Variants in RBM26 observed in about 807,000 individuals in gnomAD.
The protein encoded by RBM26 is RNA binding motif protein 26.
Under a neutral mutation model 123.6 loss-of-function variants are expected in RBM26, and 30 were observed. The ratio of observed to expected loss-of-function variants is 0.24; its 90% CI spans 0.18 to 0.33. RBM26 has a LOEUF of 0.33. RBM26 is among the 10% of genes least tolerant of loss of function. The pLI is 1.00. For synonymous variants in RBM26, 400 were observed against 404.4 expected (o/e 0.99, Z 0.13); for missense variants, 947 against 1,203.6 (o/e 0.79, Z 3.15).
At chr13:79,312,762 CTCTA>C (rs10602955) in exon 5 of RBM26, 76,078 of 151,088 alleles carry the variant, frequency 0.5, 19,480 homozygotes, top group Middle Eastern at 0.59. Flanking sequence ...GGGCTGGGCT[CTCTA>C]TCTGACTCAG....
chr13:79,329,626 T>C (rs1226013696), intron 20 of RBM26, among the ~76,000 whole-genome samples: 2 of 152,104 alleles, frequency 1.3e-5, no homozygotes, highest in Non-Finnish European at 2.9e-5. Flanking sequence ...TGGCCAAAGA[T>C]GGAATAACTT....
In RBM26 at chr13:79,405,743, T is replaced by G. The variant is rs1460330786; in HGVS notation, c.32A>C (p.Glu11Ala). MVSKMIIENF[E>A]ALKSWLSKTL... ...CTTGCTGAGCCAGGACTTGAGTGCC[T>G]CGAAGTTTTCAATGATCATTTTAGA... Residue 11 changes from glutamate to alanine, a missense_variant, in exon 1 of 22, where the codon GAG becomes GCG. By Grantham distance (107) the Glu-to-Ala change is moderately radical. Around this residue, in one of 5 missense-constraint regions of RBM26, gnomAD observed 275 missense variants for 361.0 expected, o/e 0.76. Transcript: ENST00000438737. 6.3e-7 allele frequency: 1 copy of G among 1,598,838 alleles called. No homozygotes were observed. Among genetic ancestry groups the G allele is most frequent in the African/African-American group, 1.4e-5 (1 of 73,866 alleles).
At chr13:79,390,591 A>G (rs948009897) in intron 1 of RBM26, among the ~76,000 whole-genome samples, 2 of 152,168 alleles carry the variant, frequency 1.3e-5, no homozygotes, top group African/African-American at 4.8e-5. Context: ...TCTGTATTCT[A>G]AAATTAAAAT....
chr13:79,400,624 C>G (rs894163554), intron 1 of RBM26, among the ~76,000 whole-genome samples: 1 of 151,904 alleles, frequency 6.6e-6, no homozygotes, highest in African/African-American at 2.4e-5. Context: ...GTCAATGTAA[C>G]AACACTGAAA....
At chr13:79,394,261 T>C (rs1305456726) in intron 1 of RBM26, among the ~76,000 whole-genome samples, 1 of 152,200 alleles carries the variant, frequency 6.6e-6, no homozygotes, top group African/African-American at 2.4e-5. Context: ...CTGGTGGCTT[T>C]TGAAGCAGTT....
At chr13:79,324,064 C>CTG (rs1438049405) in intron 20 of RBM26, among the ~76,000 whole-genome samples, 1 of 151,746 alleles carries the variant, frequency 6.6e-6, no homozygotes, top group South Asian at 2.1e-4. Flanking sequence ...GTAACCCACC[C>CTG]ATTTCACTTT....
chr13:79,386,581 ACTCT>A (rs1319013071), intron 1 of RBM26, among the ~76,000 whole-genome samples: 1 of 92,494 alleles, frequency 1.1e-5, no homozygotes, highest in African/African-American at 3.5e-5. Context: ...AAGCCACAGA[ACTCT>A]CTCTTTAAAA....
intron 20 of RBM26, among the ~76,000 whole-genome samples, chr13:79,331,415 T>C (rs1193017454): frequency 1.4e-5 from 2 of 147,914 alleles, no homozygotes; most frequent in African/African-American, 5.0e-5. Context: ...GGTCAGGAGA[T>C]CGAGACCATC....
At chr13:79,356,862 A>G (rs1418597656) in intron 11 of RBM26, among the ~76,000 whole-genome samples, 2 of 152,216 alleles carry the variant, frequency 1.3e-5, no homozygotes, top group African/African-American at 4.8e-5. Flanking sequence ...TTTGCCCCTC[A>G]GCTTTAAAAA....
chr13:79,375,095 T>TTTATATGATATATAAATATCATATAAA lies in RBM26; in HGVS notation c.327+2283_327+2284insTTTATATGATATTTATATATCATATAA, dbSNP rs1491343929. On this transcript the variant is annotated intron_variant, in intron 3 of 21. Coordinates refer to ENST00000438737, the MANE Select transcript of RBM26 (RefSeq NM_001366735.2). The stretch of plus-strand genomic sequence containing the variant: ...TTTATATGATATATATAAATATATA[T>TTTATATGATATATAAATATCATATAAA]TTATATATATCATATAAATATATAT... Among the ~76,000 whole-genome samples the TTTATATGATATATAAATATCATATAAA allele has an allele frequency of 1.6e-4, 16 of 98,250 alleles. No homozygotes were observed. In the East Asian group the frequency reaches 3.6e-3, roughly 22 times the overall value. 64.5% of individuals were successfully genotyped at this position (98,250 alleles called of 152,430 possible). A position where few individuals can be genotyped will look rare whatever the true frequency, so the allele number is the denominator to read the frequency against.
chr13:79,357,735 TGTGA>T (rs1455394995), intron 11 of RBM26, among the ~76,000 whole-genome samples: 1 of 152,170 alleles, frequency 6.6e-6, no homozygotes, highest in Non-Finnish European at 1.5e-5. Context: ...ATTTTACCAG[TGTGA>T]TTAACTTTGC....
At chr13:79,387,963 T>C (rs2077628475) in intron 1 of RBM26, among the ~76,000 whole-genome samples, 1 of 152,256 alleles carries the variant, frequency 6.6e-6, no homozygotes, top group Non-Finnish European at 1.5e-5. Flanking sequence ...CAGATAACTA[T>C]GCCTGCCTTT....
chr13:79,349,702 T>TC (rs2072925731), intron 14 of RBM26, among the ~76,000 whole-genome samples: 1 of 150,516 alleles, frequency 6.6e-6, no homozygotes, highest in African/African-American at 2.4e-5. Context: ...TAAATCCCAC[T>TC]CTTTTTTTTT....
intron 11 of RBM26, among the ~76,000 whole-genome samples, chr13:79,357,488 A>G (rs1342601662): frequency 1.3e-5 from 2 of 152,144 alleles, no homozygotes; most frequent in Non-Finnish European, 2.9e-5. Context: ...TACCCAAGCC[A>G]AGGTCTAATT....
intron 8 of RBM26, 156 bp downstream of exon 8, chr13:79,365,899 C>A (rs1231326219): frequency 2.1e-6 from 2 of 960,136 alleles, no homozygotes; most frequent in Non-Finnish European, 3.0e-6. Context: ...TTTTTGAAAA[C>A]ATTCAAAACT....
At chr13:79,390,292 T>A (rs2077846194) in intron 1 of RBM26, among the ~76,000 whole-genome samples, 1 of 152,124 alleles carries the variant, frequency 6.6e-6, no homozygotes, top group South Asian at 2.1e-4. Context: ...AGAAGCAAAC[T>A]ACAGATATAT....
At chr13:79,314,499 C>T (rs867856200), downstream of RBM26, 3 of 151,808 alleles carry the variant, frequency 2.0e-5, no homozygotes, top group Admixed American at 1.3e-4. Flanking sequence ...ATCATCTATT[C>T]AAAATTATTT....
intron 15 of RBM26, 63 bp downstream of exon 15, chr13:79,344,606 C>T (rs1296415559): frequency 6.9e-7 from 1 of 1,439,206 alleles, no homozygotes; most frequent in Non-Finnish European, 9.6e-7. Flanking sequence ...ACTGAAAAAA[C>T]ACATACACAA....
chr13:79,367,547 A>G (rs1352201625), intron 6 of RBM26, among the ~76,000 whole-genome samples: 1 of 151,656 alleles, frequency 6.6e-6, no homozygotes, highest in East Asian at 1.9e-4. Context: ...TGCCCTCCCA[A>G]GGTAACAAGT....
Sources: allele counts gnomAD v4.1 joint callset (sites outside exome capture counted in the v4.1 genomes callset), GRCh38; gene constraint gnomAD v4.1.1; regional missense constraint gnomAD v4.1.1; transcripts MANE v1.5; gene names NCBI Gene and HGNC (gene_info 2026-07-23, HGNC 2026-07-21).